Variants in STPG2 observed in about 807,000 individuals in gnomAD.
STPG2 encodes sperm tail PG-rich repeat containing 2, also known as sperm-tail PG-rich repeat-containing protein 2.
STPG2 carries 56 observed loss-of-function variants against 54.2 expected under a neutral mutation model. The ratio of observed to expected loss-of-function variants is 1.03; its 90% CI spans 0.83 to 1.29. The LOEUF is 1.29. STPG2 is among the 50% of genes most tolerant of loss of function. The pLI is 0.00. For missense variants in STPG2, 596 were observed against 544.9 expected, an observed-to-expected ratio of 1.09 and a Z score of -0.93; for synonymous variants, 200 against 181.8, an observed-to-expected ratio of 1.10 and a Z score of -0.81.
intron 4 of STPG2, among the ~76,000 whole-genome samples, chr4:97,486,829 G>GTGTGTATA (rs1490371230): frequency 1.1e-5 from 1 of 90,204 alleles, no homozygotes; most frequent in African/African-American, 3.4e-5. Flanking sequence ...GTGTGTGTGT[G>GTGTGTATA]TATATATATA....
In STPG2 at chr4:97,795,400, A is replaced by G. The variant is rs183867719; in HGVS notation, c.1204+45373T>C. Among the ~76,000 whole-genome samples, 1,090 of 152,200 alleles carry G rather than the reference A, an allele frequency of 7.2e-3. 14 individuals are homozygous for G. The highest frequency in any genetic ancestry group is 7.6e-3 in the Non-Finnish European group (516 of 67,992). On this transcript the variant is annotated intron_variant, in intron 9 of 10. Coordinates refer to ENST00000295268, the MANE Select transcript of STPG2 (RefSeq NM_174952.3). ...TGTGATGTTACCCTTCTGGTGTCCA[A>G]GTGTTCTCATTGTTCAATTCCCACC...
intron 8 of STPG2, among the ~76,000 whole-genome samples, chr4:97,906,951 T>A (rs1731451982): frequency 6.6e-6 from 1 of 150,774 alleles, no homozygotes. Flanking sequence ...CTTTGAAAAC[T>A]GGCACAAGAC....
intron 9 of STPG2, among the ~76,000 whole-genome samples, chr4:97,731,484 G>C (rs1724794394): frequency 6.6e-6 from 1 of 152,164 alleles, no homozygotes; most frequent in South Asian, 2.1e-4. Flanking sequence ...GGGAAGCCTA[G>C]AGAGGAAGGT....
intron 3 of STPG2, among the ~76,000 whole-genome samples, chr4:98,127,296 T>G (rs1161310995): frequency 6.6e-6 from 1 of 152,180 alleles, no homozygotes; most frequent in Non-Finnish European, 1.5e-5. Flanking sequence ...TTTCACAGTA[T>G]CTATGTGTTT....
At chr4:97,465,101 C>T (rs1175476589) in intron 4 of STPG2, among the ~76,000 whole-genome samples, 2 of 152,238 alleles carry the variant, frequency 1.3e-5, no homozygotes, top group African/African-American at 2.4e-5. Context: ...AGAGAAAGCA[C>T]ATGAATATGT....
intron 5 of STPG2, among the ~76,000 whole-genome samples, chr4:98,044,545 T>C (rs7677523): frequency 0.064 from 9,785 of 152,178 alleles, 414 homozygotes; most frequent in South Asian, 0.17. Flanking sequence ...GCTGAGAGAT[T>C]TGGGGTGGGA....
chr4:97,937,290 A>G (rs185693015), intron 8 of STPG2, among the ~76,000 whole-genome samples: 1 of 151,910 alleles, frequency 6.6e-6, no homozygotes, highest in Non-Finnish European at 1.5e-5. Context: ...ACCTTTTATC[A>G]TGGTTCTCAG....
intron 4 of STPG2, among the ~76,000 whole-genome samples, chr4:97,510,849 T>C (rs555401316): frequency 6.6e-6 from 1 of 152,230 alleles, no homozygotes; most frequent in East Asian, 1.9e-4. Context: ...ACGCCGGTAA[T>C]CCCAGTTACT....
chr4:98,047,256 G>A (rs1737158461), intron 5 of STPG2, among the ~76,000 whole-genome samples: 1 of 152,204 alleles, frequency 6.6e-6, no homozygotes, highest in South Asian at 2.1e-4. Flanking sequence ...GCATGCTTAT[G>A]TGTGGATAAA....
intron 10 of STPG2, among the ~76,000 whole-genome samples, chr4:97,699,006 G>A (rs540810546): frequency 6.6e-6 from 1 of 152,270 alleles, no homozygotes; most frequent in South Asian, 2.1e-4. Context: ...TACAGGATAG[G>A]CAAACACATA....
At chr4:97,941,137 G>C (rs1331188655) in intron 8 of STPG2, among the ~76,000 whole-genome samples, 2 of 151,928 alleles carry the variant, frequency 1.3e-5, no homozygotes, top group Non-Finnish European at 2.9e-5. Flanking sequence ...CCATCTCCTA[G>C]CCTTGAAATG....
intron 10 of STPG2, among the ~76,000 whole-genome samples, chr4:97,610,650 C>T (rs1733707699): frequency 1.3e-5 from 2 of 151,972 alleles, no homozygotes; most frequent in Admixed American, 6.6e-5. Context: ...GATCCGGCAC[C>T]AGTCCAGCAC....
At chr4:98,048,702 C>T (rs1328351633) in intron 5 of STPG2, 1 of 153,426 alleles carries the variant, frequency 6.5e-6, no homozygotes, top group Non-Finnish European at 1.5e-5. Flanking sequence ...AGACTATGAC[C>T]TATACAGTGC....
intron 10 of STPG2, among the ~76,000 whole-genome samples, chr4:97,574,991 A>T (rs975759772): frequency 6.6e-6 from 1 of 152,028 alleles, no homozygotes; most frequent in Non-Finnish European, 1.5e-5. Context: ...AAAGATCCTT[A>T]GAGACTACTA....
intron 8 of STPG2, among the ~76,000 whole-genome samples, chr4:97,888,089 G>T (rs776281929): frequency 2.0e-5 from 3 of 152,218 alleles, no homozygotes; most frequent in Non-Finnish European, 4.4e-5. Flanking sequence ...ATATGGAAAA[G>T]CCCTGGTGTC....
chr4:97,491,304 GT>G (rs1423251770), intron 4 of STPG2, among the ~76,000 whole-genome samples: 1 of 151,490 alleles, frequency 6.6e-6, no homozygotes, highest in Non-Finnish European at 1.5e-5. Flanking sequence ...TCCAAAAGAT[GT>G]TAAATAAATT....
chr4:98,032,070 T>A (rs1736616913), intron 5 of STPG2, among the ~76,000 whole-genome samples: 1 of 152,180 alleles, frequency 6.6e-6, no homozygotes, highest in Non-Finnish European at 1.5e-5. Context: ...AAATAATAGA[T>A]GTTAGCATGG....
At chr4:97,752,542 G>T (rs555395269) in intron 9 of STPG2, among the ~76,000 whole-genome samples, 1 of 151,752 alleles carries the variant, frequency 6.6e-6, no homozygotes, top group African/African-American at 2.4e-5. Flanking sequence ...CTCTGCTTTA[G>T]CACACAGGCA....
intron 4 of STPG2, among the ~76,000 whole-genome samples, chr4:97,474,312 A>G (rs989569992): frequency 6.6e-6 from 1 of 152,046 alleles, no homozygotes; most frequent in South Asian, 2.1e-4. Context: ...GCTTTCTTGC[A>G]TTTTCCATTT....
Sources: allele counts gnomAD v4.1 joint callset (sites outside exome capture counted in the v4.1 genomes callset), GRCh38; gene constraint gnomAD v4.1.1; transcripts MANE v1.5; gene names NCBI Gene and HGNC (gene_info 2026-07-23, HGNC 2026-07-21).